The following CDK14 variants were observed in gnomAD, a reference collection of about 807,000 sequenced individuals.
CDK14 encodes the protein cyclin-dependent kinase 14.
A neutral mutation model predicts 60.7 loss-of-function variants in CDK14; 34 were observed. The ratio of observed to expected loss-of-function variants is 0.56; its 90% CI spans 0.43 to 0.75. CDK14 has a LOEUF of 0.75. Ranked by LOEUF, CDK14 falls within the 30% of genes least tolerant of loss-of-function variation. The pLI is 0.00. For missense variants in CDK14, 482 were observed against 564.1 expected, an observed-to-expected ratio of 0.85 and a Z score of 1.47; for synonymous variants, 197 against 203.7, an observed-to-expected ratio of 0.97 and a Z score of 0.28.
intron 14 of CDK14, among the ~76,000 whole-genome samples, chr7:91,153,985 C>A (rs558270737): frequency 1.3e-5 from 2 of 152,046 alleles, no homozygotes; most frequent in African/African-American, 2.4e-5. Flanking sequence ...ATTTGAATAA[C>A]GTTTACTATG....
intron 6 of CDK14, among the ~76,000 whole-genome samples, chr7:90,895,122 T>G (rs1792253874): frequency 6.6e-6 from 1 of 152,140 alleles, no homozygotes; most frequent in African/African-American, 2.4e-5. Flanking sequence ...TTCGGAGCAT[T>G]TTTTATTAAA....
intron 5 of CDK14, among the ~76,000 whole-genome samples, chr7:90,792,443 C>G (rs568101926): frequency 6.6e-6 from 1 of 152,288 alleles, no homozygotes; most frequent in East Asian, 1.9e-4. Context: ...CTAGTTTAAT[C>G]TTTAAAAATC....
intron 5 of CDK14, among the ~76,000 whole-genome samples, chr7:90,832,986 C>A (rs1161583024): frequency 6.6e-6 from 1 of 152,204 alleles, no homozygotes; most frequent in African/African-American, 2.4e-5. Context: ...CCACATCCAG[C>A]CATCACCTTG....
At chr7:90,809,578 C>A (rs1381141473) in intron 5 of CDK14, among the ~76,000 whole-genome samples, 1 of 152,046 alleles carries the variant, frequency 6.6e-6, no homozygotes, top group African/African-American at 2.4e-5. Flanking sequence ...GAAGCAAGAG[C>A]AAACACATTC....
intron 2 of CDK14, among the ~76,000 whole-genome samples, chr7:90,676,137 C>A (rs1801193591): frequency 6.6e-6 from 1 of 152,198 alleles, no homozygotes; most frequent in African/African-American, 2.4e-5. Context: ...TCCCTGCTTT[C>A]ACAATCATAG....
intron 5 of CDK14, among the ~76,000 whole-genome samples, chr7:90,852,604 T>C (rs1009513066): frequency 2.0e-5 from 3 of 152,132 alleles, no homozygotes; most frequent in African/African-American, 7.2e-5. Flanking sequence ...AGATTAAATA[T>C]CTCATAAACA....
chr7:91,079,578 C>T, intron 12 of CDK14, 98 bp downstream of exon 12: 1 of 855,818 alleles, frequency 1.2e-6, no homozygotes, highest in Non-Finnish European at 2.0e-6. Flanking sequence ...ATTCATCCTG[C>T]TGTGTATTTA....
chr7:90,597,811 C>CA (rs1405733555), intron 1 of CDK14, among the ~76,000 whole-genome samples: 4 of 147,868 alleles, frequency 2.7e-5, no homozygotes, highest in Non-Finnish European at 5.9e-5. Context: ...TGAGAGAGTA[C>CA]AATGGATCGA....
At chr7:90,627,746 C>T (rs1453364154) in intron 2 of CDK14, among the ~76,000 whole-genome samples, 1 of 152,052 alleles carries the variant, frequency 6.6e-6, no homozygotes, top group Non-Finnish European at 1.5e-5. Flanking sequence ...ACTGAAGTCA[C>T]CTAAACAGCA....
At chr7:90,602,466 A>C (rs191472099) in intron 1 of CDK14, among the ~76,000 whole-genome samples, 20 of 152,342 alleles carry the variant, frequency 1.3e-4, no homozygotes, top group Admixed American at 1.1e-3. Context: ...TCATTAGTCA[A>C]AGTATGTTAA....
chr7:91,138,969 T>G (rs1300004212), intron 14 of CDK14, among the ~76,000 whole-genome samples: 1 of 152,168 alleles, frequency 6.6e-6, no homozygotes, highest in Non-Finnish European at 1.5e-5. Context: ...CCAGGTTGAC[T>G]TGTCCTGTGA....
chr7:90,658,775 T>C (rs945880615), intron 2 of CDK14, among the ~76,000 whole-genome samples: 3 of 152,186 alleles, frequency 2.0e-5, no homozygotes, highest in African/African-American at 7.2e-5. Flanking sequence ...CATAGGTTTT[T>C]TTATGGAGAA....
At chr7:90,645,551 T>C (rs1055151567) in intron 2 of CDK14, among the ~76,000 whole-genome samples, 1 of 152,184 alleles carries the variant, frequency 6.6e-6, no homozygotes, top group Non-Finnish European at 1.5e-5. Flanking sequence ...AATCTCATGA[T>C]AACATCACTT....
At chr7:90,993,625 A>G (rs1329848268) in intron 10 of CDK14, among the ~76,000 whole-genome samples, 1 of 152,170 alleles carries the variant, frequency 6.6e-6, no homozygotes, top group Non-Finnish European at 1.5e-5. Context: ...GGAGTGGGGT[A>G]TGGCTGGCAC....
intron 2 of CDK14, among the ~76,000 whole-genome samples, chr7:90,630,888 A>ATGTGTGTGTGTGTGTGTGTGTGTGTGTG (rs55859300): frequency 6.7e-6 from 1 of 148,364 alleles, no homozygotes; most frequent in African/African-American, 2.5e-5. Flanking sequence ...TGGGGTGTGT[A>ATGTGTGTGTGTGTGTGTGTGTGTGTGTG]TGTGTGTGTG....
intron 8 of CDK14, among the ~76,000 whole-genome samples, chr7:90,937,975 C>A (rs1793806440): frequency 6.6e-6 from 1 of 152,206 alleles, no homozygotes; most frequent in African/African-American, 2.4e-5. Flanking sequence ...ACTCTAAAAA[C>A]CTACAAAGCG....
chr7:90,718,420 T>C (rs1039771553), intron 2 of CDK14, among the ~76,000 whole-genome samples: 69 of 152,272 alleles, frequency 4.5e-4, no homozygotes, highest in African/African-American at 1.6e-3. Flanking sequence ...ATTTACCAGC[T>C]GCAAACTGCT....
chr7:90,646,517 A>G (rs571333616), intron 2 of CDK14, among the ~76,000 whole-genome samples: 8 of 152,136 alleles, frequency 5.3e-5, no homozygotes, highest in South Asian at 2.1e-4. Flanking sequence ...ACATATGCAT[A>G]TCAAACAAAA....
chr7:91,108,808 A>G (rs984825921), intron 12 of CDK14, among the ~76,000 whole-genome samples: 9 of 152,214 alleles, frequency 5.9e-5, no homozygotes, highest in African/African-American at 9.6e-5. Context: ...CAAAGTCCAC[A>G]TTGCACAGAA....
Sources: allele counts gnomAD v4.1 joint callset (sites outside exome capture counted in the v4.1 genomes callset), GRCh38; gene constraint gnomAD v4.1.1; transcripts MANE v1.5; gene names NCBI Gene and HGNC (gene_info 2026-07-23, HGNC 2026-07-21).